The following VPS13C variants were observed in gnomAD, a reference collection of about 807,000 sequenced individuals.
The protein encoded by VPS13C is intermembrane lipid transfer protein VPS13C.
Under a neutral mutation model 456.8 loss-of-function variants are expected in VPS13C, and 358 were observed. The ratio of observed to expected loss-of-function variants is 0.78; its 90% confidence interval spans 0.72 to 0.86. The LOEUF is 0.86. Among genes scored for constraint, VPS13C ranks in the 40% least tolerant of loss-of-function variants. The pLI is 0.00. For synonymous variants in VPS13C, 1,578 were observed against 1,486.7 expected (o/e 1.06, Z -1.41); for missense variants, 4,818 against 4,385.4 (o/e 1.10, Z -2.79).
At chr15:61,990,810 C>CA (rs2046201291) in intron 18 of VPS13C, among the ~76,000 whole-genome samples, 190 bp downstream of exon 18, 1 of 151,964 alleles carries the variant, frequency 6.6e-6, no homozygotes, top group South Asian at 2.1e-4. Context: ...GACTCCATCT[C>CA]AAAAAATCAA....
chr15:61,909,482 C>T (rs1164651867), intron 64 of VPS13C, among the ~76,000 whole-genome samples: 2 of 152,240 alleles, frequency 1.3e-5, no homozygotes, highest in Non-Finnish European at 2.9e-5. Flanking sequence ...GCTGGGATTA[C>T]AGGCGTGAGC....
chr15:61,985,447 G>C (rs1043547230), intron 18 of VPS13C, among the ~76,000 whole-genome samples: 1 of 152,004 alleles, frequency 6.6e-6, no homozygotes, highest in African/African-American at 2.4e-5. Flanking sequence ...AGTAGAGATG[G>C]GGTTTCACCA....
intron 16 of VPS13C, among the ~76,000 whole-genome samples, chr15:61,996,923 T>C (rs946924363): frequency 3.3e-5 from 5 of 150,224 alleles, no homozygotes; most frequent in Non-Finnish European, 4.4e-5. Context: ...TATACACACA[T>C]ATATCTTATA....
At position 61,884,349 on chromosome 15, in the gene VPS13C, A is replaced by G. The variant is rs909200705; in HGVS notation, c.9342-80T>C. On this transcript the variant is annotated intron_variant, in intron 67 of 84. Transcript: ENST00000644861. ...ACTTTATTCAACTCCAGATTATTGT[A>G]ACTATTATTTTCCTATGAAAATTAC... 22 of 1,419,264 alleles carry G rather than the reference A, an allele frequency of 1.6e-5. No individual in the cohort carries two copies. The African/African-American group carries it at 2.2e-4, about 14-fold the overall frequency. 87.9% of individuals were successfully genotyped at this position (1,419,264 alleles called of 1,614,324 possible).
intron 25 of VPS13C, among the ~76,000 whole-genome samples, 157 bp from the exon 26 acceptor site, chr15:61,973,689 A>G (rs1206780445): frequency 6.6e-6 from 1 of 152,182 alleles, no homozygotes; most frequent in Non-Finnish European, 1.5e-5. Context: ...AACAAGATAT[A>G]TTGTGTAATC....
In VPS13C at chr15:61,854,489, C is replaced by CTGA; in HGVS notation, c.11227_11229dup (p.Ser3743dup). 1.2e-6 allele frequency: 2 copies of CTGA among 1,614,160 alleles called. No homozygotes were observed. Among genetic ancestry groups the CTGA allele is most frequent in the Non-Finnish European group, 1.7e-6 (2 of 1,180,000 alleles). On this transcript the variant is annotated inframe_insertion, in exon 85 of 85. Transcript: ENST00000644861. ...GGCAATTGGGGTCTGAGAAGTCTCA[C>CTGA]TGATGACTGCTTCATCAATTTTTGC... is the stretch of plus-strand genomic sequence containing the variant.
In VPS13C at chr15:61,977,365, G is replaced by A. The variant is rs372129673; in HGVS notation, c.2291-166C>T. ...ATTACCAATTTTCACTTCTTTCAGC[G>A]TATCAGTTAAATAACCTATGCTTTT... On this transcript the variant is annotated intron_variant, in intron 23 of 84. Transcript: ENST00000644861. 5.5e-4 allele frequency among the ~76,000 whole-genome samples: 83 copies of A among 152,004 alleles called. No homozygotes were observed. The East Asian group carries it at 6.0e-3, about 11-fold the overall frequency.
rs143760521 is a variant in VPS13C at position 61,895,931 on chromosome 15, T to A, written c.9106-5531A>T. Among the ~76,000 whole-genome samples, 18 of 152,264 alleles carry A rather than the reference T, an allele frequency of 1.2e-4. No homozygotes were observed. In the East Asian group the frequency reaches 3.1e-3, roughly 26 times the overall value. On this transcript the variant is annotated intron_variant, in intron 66 of 84. Transcript: ENST00000644861. ...GACTACAGTTAACAATATTATTATA[T>A]AGTTTCATATAGCTAGAAAAAGGAT...
At chr15:61,931,871 C>T (rs923658004) in intron 49 of VPS13C, among the ~76,000 whole-genome samples, 11 of 151,966 alleles carry the variant, frequency 7.2e-5, no homozygotes, top group African/African-American at 1.9e-4. Flanking sequence ...TAAGCCACTG[C>T]GCCCCGCCTC....
At chr15:61,922,898 AC>A (rs2043709132) in intron 53 of VPS13C, 136 bp from the exon 54 acceptor site, 4 of 740,606 alleles carry the variant, frequency 5.4e-6, no homozygotes, top group African/African-American at 1.8e-5. Flanking sequence ...AATTAAAGTA[AC>A]TAATTTAAAT....
intron 15 of VPS13C, among the ~76,000 whole-genome samples, chr15:62,003,183 CTTTTA>C (rs1483353315): frequency 6.6e-6 from 1 of 151,888 alleles, no homozygotes; most frequent in Non-Finnish European, 1.5e-5. Context: ...TTTGTGTCCT[CTTTTA>C]TTTCATTGAG....
intron 28 of VPS13C, among the ~76,000 whole-genome samples, chr15:61,968,437 T>G (rs1166061021): frequency 6.6e-6 from 1 of 152,052 alleles, no homozygotes; most frequent in Non-Finnish European, 1.5e-5. Context: ...ACAATGCCAT[T>G]TTATATAAGG....
At chr15:62,048,933 C>T (rs2048523863) in intron 1 of VPS13C, among the ~76,000 whole-genome samples, 2 of 152,030 alleles carry the variant, frequency 1.3e-5, no homozygotes, top group Admixed American at 6.5e-5. Context: ...ATCCTTTGCC[C>T]ACTTTTTGAT....
intron 27 of VPS13C, among the ~76,000 whole-genome samples, chr15:61,969,656 C>G (rs1353338367): frequency 6.6e-6 from 1 of 152,032 alleles, no homozygotes; most frequent in Non-Finnish European, 1.5e-5. Flanking sequence ...ATAAAAAAAT[C>G]ATGACAGAAT....
chr15:61,977,646 A>G (rs529670382), intron 23 of VPS13C, among the ~76,000 whole-genome samples: 45 of 152,184 alleles, frequency 3.0e-4, no homozygotes, highest in Non-Finnish European at 5.2e-4. Flanking sequence ...AGCAAAGCAG[A>G]GTTTTATCAA....
At chr15:61,998,001 A>G (rs960695512) in intron 16 of VPS13C, among the ~76,000 whole-genome samples, 1 of 152,188 alleles carries the variant, frequency 6.6e-6, no homozygotes, top group African/African-American at 2.4e-5. Context: ...ACAATCTGGC[A>G]ATCTCAACTC....
intron 61 of VPS13C, among the ~76,000 whole-genome samples, 153 bp downstream of exon 61, chr15:61,915,480 T>TC (rs1182809666): frequency 6.6e-6 from 1 of 152,196 alleles, no homozygotes; most frequent in African/African-American, 2.4e-5. Context: ...GTTCCTAACA[T>TC]CCCACTTGAT....
intron 67 of VPS13C, among the ~76,000 whole-genome samples, chr15:61,885,280 T>C (rs910872025): frequency 5.3e-5 from 8 of 152,108 alleles, no homozygotes; most frequent in Non-Finnish European, 1.2e-4. Flanking sequence ...TGAAATTCAT[T>C]AAAAAACATC....
Position 61,949,601 on chromosome 15 carries a change from G to A in VPS13C, c.4601C>T (p.Ser1534Leu). ...AAGTACTAAGTCTAAGGATGCAAAT[G>A]AAACCTAAGATAATGAACAATTAAA... ...HDSTKQRLKV[S>L]FASLDLVLHL... Residue 1534 changes from serine to leucine, a missense_variant, in exon 42 of 85, where the codon TCA becomes TTA. Transcript: ENST00000644861. The A allele has an allele frequency of 1.3e-6, 2 of 1,594,060 alleles. No individual in the cohort carries two copies. The highest frequency in any genetic ancestry group is 1.7e-6 in the Non-Finnish European group (2 of 1,175,336).
Sources: allele counts gnomAD v4.1 joint callset (sites outside exome capture counted in the v4.1 genomes callset), GRCh38; gene constraint gnomAD v4.1.1; transcripts MANE v1.5; gene names NCBI Gene and HGNC (gene_info 2026-07-23, HGNC 2026-07-21).